Variants in SBNO2 observed in about 807,000 individuals in gnomAD.
The protein encoded by SBNO2 is protein strawberry notch homolog 2.
A neutral mutation model predicts 146.3 loss-of-function variants in SBNO2; 89 were observed. The observed-to-expected ratio is 0.61, with a 90% CI of 0.51 to 0.73. The LOEUF (loss-of-function observed/expected upper bound fraction) is 0.73, where lower values mean the gene tolerates loss of function less well. Ranked by LOEUF, SBNO2 falls within the 30% of genes least tolerant of loss-of-function variation. The pLI is 0.00. For synonymous variants in SBNO2, 1,147 were observed against 892.6 expected (o/e 1.29, Z -5.08); for missense variants, 2,092 against 2,003.7 (o/e 1.04, Z -0.84).
rs541608599 is a variant in SBNO2, at chr19:1,133,749, G to A, written c.280-5984C>T. ...AACCTAGCAGCCAATCACAGCCACC[G>A]CTCAACCCAGTAGCCAATCACAGCC... On this transcript the variant is annotated intron_variant, in intron 4 of 31. Transcript: ENST00000361757. Among the ~76,000 whole-genome samples the A allele has an allele frequency of 9.4e-4, 142 of 151,836 alleles. 3 individuals carry two copies. The South Asian group carries it at 0.025, about 27-fold the overall frequency.
Position 1,150,207 on chromosome 19 carries a change from C to A in SBNO2, c.94-765G>T, listed in dbSNP as rs922227273. 6.6e-6 allele frequency among the ~76,000 whole-genome samples: 1 copy of A among 152,158 alleles called. No individual in the cohort carries two copies. The highest frequency in any genetic ancestry group is 1.5e-5 in the Non-Finnish European group (1 of 68,014). ...GGTTCTCTGGGAAAACCTCACTATGCCTGCCCTTGGGAATGAGAGCGGCTT... is the reference window on the plus strand; with the variant it reads ...GGTTCTCTGGGAAAACCTCACTATGACTGCCCTTGGGAATGAGAGCGGCTT... On this transcript the variant is annotated intron_variant, in intron 2 of 31. Transcript: ENST00000361757. The surrounding 1 kb of genome is among the most constrained non-coding windows in gnomAD (Gnocchi z 6.2).
chr19:1,146,835 G>A (rs966732120), intron 4 of SBNO2, among the ~76,000 whole-genome samples: 16 of 151,576 alleles, frequency 1.1e-4, no homozygotes, highest in Admixed American at 6.6e-4. Context: ...GCCTGATGCC[G>A]CAGTGGGAGG....
At position 1,157,979 on chromosome 19, in the gene SBNO2, A is replaced by G. The variant is rs571296094; in HGVS notation, c.-126-3577T>C. On this transcript the variant is annotated intron_variant, in intron 1 of 31. Transcript: ENST00000361757. The surrounding 1 kb of genome is among the most constrained non-coding windows in gnomAD (Gnocchi z 6.8). ...CCTCCCAGCTCTCTCCTGAGTCCGG[A>G]TAACTGTCCGCCTCCCAGCTCTCTC... 4.7e-3 allele frequency among the ~76,000 whole-genome samples: 690 copies of G among 146,520 alleles called. No individual in the cohort carries two copies. The highest frequency in any genetic ancestry group is 7.6e-3 in the Non-Finnish European group (506 of 66,370).
At position 1,113,539 on chromosome 19, in the gene SBNO2, G is replaced by A. The variant is rs1421217473; in HGVS notation, c.2243C>T (p.Ala748Val). The A allele has an allele frequency of 2.5e-6, 4 of 1,587,338 alleles. No homozygotes were observed. The highest frequency in any genetic ancestry group is 2.4e-5 in the East Asian group (1 of 41,498). The change falls in exon 19 of 32, where the codon GCG becomes GTG. Residue 748 changes from alanine (A) to valine (V), a missense_variant. Transcript: ENST00000361757. ...CAGCTGCCACGTCCCACCCACCTCC[G>A]CCACCCGCTGGGGGCCGCCCAGCTG... ...IDQLGGPQRV[A>V]EMTGRKGRVV...
intron 5 of SBNO2, 64 bp downstream of exon 5, chr19:1,127,540 G>A: frequency 1.3e-6 from 2 of 1,496,826 alleles, no homozygotes; most frequent in Middle Eastern, 2.2e-4. Context: ...GGACCGTGTG[G>A]GTCCCGGGCT....
chr19:1,111,101 G>C lies in SBNO2; in HGVS notation c.2810-8C>G, dbSNP rs1343307492. 4 of 1,545,544 alleles carry C rather than the reference G, an allele frequency of 2.6e-6. No individual in the cohort carries two copies. Among genetic ancestry groups the C allele is most frequent in the Middle Eastern group, 1.7e-4 (1 of 5,972 alleles). On this transcript the variant is annotated splice_polypyrimidine_tract_variant and splice_region_variant and intron_variant, in intron 24 of 31. Coordinates refer to ENST00000361757, the MANE Select transcript of SBNO2 (RefSeq NM_014963.3). ...GCAGGCCCTGCTTCATGTCTGCGGG[G>C]AGAGGGGCCTCACATGCTGGTCTTC... is the stretch of plus-strand genomic sequence containing the variant.
rs1358008699 is a variant in SBNO2 at position 1,119,032 on chromosome 19, GA to G, written c.1505del (p.Val502AlafsTer13). On this transcript the variant is annotated frameshift_variant, in exon 14 of 32. Transcript: ENST00000361757. LOFTEE classifies it high-confidence loss of function. ...EIPLAPAFEC[V>X]YNRAALLWAE... ...TCACCAGCAGGGCCGCGCGGTTGTA[GA>G]CGCACTCGAAGGCTGGGGCCAGCGG... The G allele has an allele frequency of 6.2e-7, 1 of 1,602,400 alleles. No individual in the cohort carries two copies. Among genetic ancestry groups the G allele is most frequent in the Non-Finnish European group, 8.5e-7 (1 of 1,176,856 alleles).
chr19:1,158,838 G>A lies in SBNO2; in HGVS notation c.-126-4436C>T, dbSNP rs972274415. Among the ~76,000 whole-genome samples, 5 of 152,126 alleles carry A rather than the reference G, an allele frequency of 3.3e-5. No individual in the cohort carries two copies. The highest frequency in any genetic ancestry group is 9.7e-5 in the African/African-American group (4 of 41,390). Reference sequence around the variant, plus strand: ...CGGCCATAAGACAGAGCGGACTTGCGGCCTCCGGTGACCTCACAGCCGTGA... The same window carrying A: ...CGGCCATAAGACAGAGCGGACTTGCAGCCTCCGGTGACCTCACAGCCGTGA... On this transcript the variant is annotated intron_variant, in intron 1 of 31. Transcript: ENST00000361757. The surrounding 1 kb of genome is among the most constrained non-coding windows in gnomAD (Gnocchi z 9.9).
intron 8 of SBNO2, 44 bp downstream of exon 8, chr19:1,122,850 G>A (rs1336027910): frequency 6.5e-7 from 1 of 1,537,592 alleles, no homozygotes. Flanking sequence ...CTCCCCAGGG[G>A]CCTCGCGGAC....
intron 10 of SBNO2, 64 bp downstream of exon 10, chr19:1,122,404 C>T: frequency 4.6e-6 from 7 of 1,524,872 alleles, no homozygotes; most frequent in Admixed American, 2.0e-5. Flanking sequence ...CCCAGCTGAG[C>T]AGCCCCCACT....
At position 1,109,854 on chromosome 19, in the gene SBNO2, GGGCGCACCC is replaced by G; in HGVS notation, c.3029-86_3029-78del. On this transcript the variant is annotated intron_variant, in intron 26 of 31. Transcript: ENST00000361757. This position sits in a 1 kb window ranked among gnomAD's most constrained non-coding sequence, Gnocchi z 4.2. Reference sequence around the variant, plus strand: ...GGGGCCAGGGTCAGTCCCGTAGCCGGGGCGCACCCTAGAGACGACCCCCCGAGAGCACAG... The same window carrying G: ...GGGGCCAGGGTCAGTCCCGTAGCCGGTAGAGACGACCCCCCGAGAGCACAG... 3 of 1,136,230 alleles carry G rather than the reference GGGCGCACCC, an allele frequency of 2.6e-6. No individual in the cohort carries two copies. The highest frequency in any genetic ancestry group is 2.3e-5 in the Admixed American group (1 of 42,960). 70.4% of individuals were successfully genotyped at this position (1,136,230 alleles called of 1,614,324 possible). A position where few individuals can be genotyped will look rare whatever the true frequency, so the allele number is the denominator to read the frequency against.
chr19:1,172,252 G>A (rs1204618631), intron 1 of SBNO2, among the ~76,000 whole-genome samples: 1 of 152,202 alleles, frequency 6.6e-6, no homozygotes, highest in Non-Finnish European at 1.5e-5. Context: ...CTCCCCTGCC[G>A]TGGGAGGCCC....
chr19:1,108,837 G>A lies in SBNO2; in HGVS notation c.3558C>T (p.Ser1186=). The A allele has an allele frequency of 1.2e-6, 2 of 1,600,562 alleles. No individual in the cohort carries two copies. The highest frequency in any genetic ancestry group is 1.7e-6 in the Non-Finnish European group (2 of 1,178,552). The change falls in exon 31 of 32, where the codon AGC becomes AGT. Residue 1186 remains serine, a synonymous_variant. Coordinates refer to ENST00000361757, the MANE Select transcript of SBNO2 (RefSeq NM_014963.3). ...GCACGATCTGCAGGTAGCTGCTGCTGCTGACGTCGGCCATGACGGCGGCGA... is the reference window on the plus strand; with the variant it reads ...GCACGATCTGCAGGTAGCTGCTGCTACTGACGTCGGCCATGACGGCGGCGA... ...GRIAAVMADV[S]SSSYLQIVRL...
At chr19:1,135,602 G>T (rs2080078116) in intron 4 of SBNO2, among the ~76,000 whole-genome samples, 1 of 152,198 alleles carries the variant, frequency 6.6e-6, no homozygotes, top group Admixed American at 6.5e-5. Context: ...GGCTCCCGTG[G>T]CCCGGTCTCT....
intron 4 of SBNO2, among the ~76,000 whole-genome samples, chr19:1,146,446 C>A (rs866611310): frequency 2.6e-5 from 4 of 152,140 alleles, no homozygotes; most frequent in Non-Finnish European, 4.4e-5. Flanking sequence ...GGCCGGCTTG[C>A]GCCCATCCCC....
chr19:1,166,310 C>T (rs903374995), intron 1 of SBNO2, among the ~76,000 whole-genome samples: 4 of 152,032 alleles, frequency 2.6e-5, no homozygotes, highest in Non-Finnish European at 2.9e-5. Context: ...AATGCTTATG[C>T]GGAAACAGCC....
At chr19:1,167,273 A>G (rs1306492016) in intron 1 of SBNO2, among the ~76,000 whole-genome samples, 1 of 152,186 alleles carries the variant, frequency 6.6e-6, no homozygotes, top group African/African-American at 2.4e-5. Flanking sequence ...GGCCTGATCC[A>G]CCTTCCCTCA....
intron 10 of SBNO2, 77 bp from the exon 11 acceptor site, chr19:1,122,359 G>T (rs1384799068): frequency 1.3e-6 from 2 of 1,511,216 alleles, no homozygotes; most frequent in Admixed American, 2.1e-5. Flanking sequence ...TATCTGTAAG[G>T]GTGCTGGGCA....
intron 1 of SBNO2, among the ~76,000 whole-genome samples, chr19:1,163,877 G>T (rs747073627): frequency 3.3e-5 from 5 of 152,206 alleles, no homozygotes; most frequent in Non-Finnish European, 5.9e-5. Flanking sequence ...CAGTGGCCCC[G>T]GTTGCCTGGA....
Sources: allele counts gnomAD v4.1 joint callset (sites outside exome capture counted in the v4.1 genomes callset), GRCh38; gene constraint gnomAD v4.1.1; non-coding constraint Gnocchi (gnomAD v3.1); transcripts MANE v1.5; gene names NCBI Gene and HGNC (gene_info 2026-07-23, HGNC 2026-07-21).